The following TMEM132B variants were observed in gnomAD, a reference collection of about 807,000 sequenced individuals.
The protein encoded by TMEM132B is transmembrane protein 132B.
Under a neutral mutation model 90.8 loss-of-function variants are expected in TMEM132B, and 18 were observed. That is an observed-to-expected ratio of 0.20 (90% CI 0.14 to 0.29). The LOEUF is 0.29. TMEM132B is among the 10% of genes least tolerant of loss of function. The pLI, the probability that TMEM132B is intolerant of heterozygous loss-of-function variation, is 1.00. For missense variants in TMEM132B, 1,096 were observed against 1,326.8 expected (o/e 0.83, Z 2.70); for synonymous variants, 504 against 523.3 (o/e 0.96, Z 0.50).
rs548027902 is a variant in TMEM132B, at chr12:125,460,596, C to G, written c.1106+44919C>G. ...CTCTCCTTCAGTCCAACGCATTTCA[C>G]TCTTCAACAGTACTGCTCAACCGTT... On this transcript the variant is annotated intron_variant, in intron 3 of 8. Coordinates refer to ENST00000682704, the MANE Select transcript of TMEM132B (RefSeq NM_001366854.1). This position sits in a 1 kb window ranked among gnomAD's most constrained non-coding sequence, Gnocchi z 4.4. Among the ~76,000 whole-genome samples, 3 of 152,218 alleles carry G rather than the reference C, an allele frequency of 2.0e-5. No individual in the cohort carries two copies. The highest frequency in any genetic ancestry group is 6.5e-5 in the Admixed American group (1 of 15,276).
intron 2 of TMEM132B, among the ~76,000 whole-genome samples, chr12:125,409,122 T>C (rs1879607313): frequency 6.6e-6 from 1 of 152,192 alleles, no homozygotes; most frequent in South Asian, 2.1e-4. Flanking sequence ...CCTCAGTTTG[T>C]GTAGAAGCCT....
chr12:125,427,979 A>C (rs1880370415), intron 3 of TMEM132B, among the ~76,000 whole-genome samples: 2 of 142,070 alleles, frequency 1.4e-5, no homozygotes. Context: ...CTTGCCAAGT[A>C]CATGCTAATG....
intron 1 of TMEM132B, among the ~76,000 whole-genome samples, chr12:125,227,788 G>T (rs1252848134): frequency 6.6e-6 from 1 of 152,038 alleles, no homozygotes. Context: ...GAGCTGCTCT[G>T]GTTGTGTGTA....
At chr12:125,411,155 A>AGTGGAGTGGAGGAGT (rs1457433988) in intron 2 of TMEM132B, among the ~76,000 whole-genome samples, 1 of 43,892 alleles carries the variant, frequency 2.3e-5, no homozygotes, top group Non-Finnish European at 4.6e-5. Context: ...AGTGGAGTGG[A>AGTGGAGTGGAGGAGT]GGAGTGGAGT....
chr12:125,380,964 T>A (rs1878663220), intron 2 of TMEM132B, among the ~76,000 whole-genome samples: 1 of 152,206 alleles, frequency 6.6e-6, no homozygotes, highest in African/African-American at 2.4e-5. Context: ...TTCCCTGGAT[T>A]AATTTTCCTG....
intron 1 of TMEM132B, among the ~76,000 whole-genome samples, chr12:125,316,638 G>T (rs1241837026): frequency 1.9e-5 from 1 of 52,932 alleles, no homozygotes; most frequent in Non-Finnish European, 3.4e-5. Context: ...CTGAGTAGTG[G>T]GAAGGGACTG....
At chr12:125,254,777 G>A (rs1206687369) in intron 1 of TMEM132B, among the ~76,000 whole-genome samples, 1 of 148,274 alleles carries the variant, frequency 6.7e-6, no homozygotes, top group African/African-American at 2.5e-5. Context: ...TCCGCCTCCC[G>A]AGTCCAAGTG....
chr12:125,614,134 A>G (rs1885928309), intron 5 of TMEM132B, among the ~76,000 whole-genome samples: 1 of 152,150 alleles, frequency 6.6e-6, no homozygotes, highest in African/African-American at 2.4e-5. Flanking sequence ...TCTAATTTCA[A>G]CATTTTTTTT....
At chr12:125,595,240 C>T (rs953282950) in intron 5 of TMEM132B, among the ~76,000 whole-genome samples, 8 of 152,266 alleles carry the variant, frequency 5.3e-5, no homozygotes, top group South Asian at 2.1e-4. Flanking sequence ...TAGTTCTTCC[C>T]GTCACTAGCA....
chr12:125,535,315 C>G (rs1424436032), intron 4 of TMEM132B, among the ~76,000 whole-genome samples: 1 of 152,092 alleles, frequency 6.6e-6, no homozygotes, highest in Non-Finnish European at 1.5e-5. Flanking sequence ...TAATGAGATC[C>G]TGAGCGGGGG....
chr12:125,222,994 G>A (rs1374191472), intron 1 of TMEM132B, among the ~76,000 whole-genome samples: 1 of 152,228 alleles, frequency 6.6e-6, no homozygotes, highest in East Asian at 1.9e-4. Context: ...TGTAAATTCA[G>A]TGCAGATCAT....
chr12:125,225,482 G>A (rs1458046370), intron 1 of TMEM132B, among the ~76,000 whole-genome samples: 1 of 152,232 alleles, frequency 6.6e-6, no homozygotes, highest in Non-Finnish European at 1.5e-5. Flanking sequence ...GAGGTGGGAA[G>A]TTCATTTCTG....
rs1215011940 is a variant in TMEM132B at position 125,656,534 on chromosome 12, C to T, written c.*1824C>T. 3 of 152,270 alleles carry T rather than the reference C, an allele frequency of 2.0e-5. No individual in the cohort carries two copies. Among genetic ancestry groups the T allele is most frequent in the South Asian group, 2.1e-4 (1 of 4,814 alleles). The allele number at this position is 152,270 out of a possible 1,614,324, so 9.4% of individuals were successfully genotyped here. ...TGTAGGCCTGACCTCCAGAGCCCAG[C>T]GTTCAGTTAGTTGTATAAAATGGGG... is the stretch of plus-strand genomic sequence containing the variant. On this transcript the variant is annotated 3_prime_UTR_variant, in exon 9 of 9. Coordinates refer to ENST00000682704, the MANE Select transcript of TMEM132B (RefSeq NM_001366854.1).
chr12:125,334,950 G>A (rs575211700), intron 1 of TMEM132B, among the ~76,000 whole-genome samples: 1 of 152,342 alleles, frequency 6.6e-6, no homozygotes, highest in African/African-American at 2.4e-5. Flanking sequence ...CACAGTTTGC[G>A]TGACATAAAG....
intron 5 of TMEM132B, among the ~76,000 whole-genome samples, chr12:125,631,968 A>T (rs1307041740): frequency 2.0e-5 from 3 of 151,904 alleles, no homozygotes; most frequent in Non-Finnish European, 4.4e-5. Flanking sequence ...GAAGAGTTTA[A>T]TCAGTTTACA....
chr12:125,590,372 A>T (rs1885288834), intron 5 of TMEM132B, among the ~76,000 whole-genome samples: 1 of 152,226 alleles, frequency 6.6e-6, no homozygotes, highest in Non-Finnish European at 1.5e-5. Context: ...TATCTGGAAC[A>T]CAGTAAATAT....
chr12:125,290,416 C>T (rs546422855), intron 1 of TMEM132B, among the ~76,000 whole-genome samples: 19 of 152,304 alleles, frequency 1.2e-4, no homozygotes, highest in Non-Finnish European at 2.6e-4. Context: ...CTGTAGACTC[C>T]TCCCAGATTT....
At chr12:125,434,554 C>A (rs1297393414) in intron 3 of TMEM132B, among the ~76,000 whole-genome samples, 1 of 152,150 alleles carries the variant, frequency 6.6e-6, no homozygotes, top group Non-Finnish European at 1.5e-5. Flanking sequence ...CCCTCCCCAT[C>A]CCAGCCTCAG....
intron 1 of TMEM132B, among the ~76,000 whole-genome samples, chr12:125,199,521 G>T (rs192633656): frequency 2.0e-5 from 3 of 152,148 alleles, no homozygotes; most frequent in Admixed American, 6.5e-5. Flanking sequence ...GGGCATCTCT[G>T]GGGGAACAAG....
Sources: gnomAD v4.1 joint callset for allele counts (sites outside exome capture counted in the v4.1 genomes callset) on GRCh38, gnomAD v4.1.1 for gene constraint, Gnocchi (gnomAD v3.1) non-coding constraint, MANE v1.5 for transcripts, NCBI Gene and HGNC (gene_info 2026-07-23, HGNC 2026-07-21) for gene names.